CIC: variants seen among roughly 807,000 people sequenced by gnomAD.
CIC encodes the protein protein capicua homolog.
A neutral mutation model predicts 115.7 loss-of-function variants in CIC; 18 were observed. The ratio of observed to expected loss-of-function variants is 0.16; its 90% CI spans 0.11 to 0.23. CIC has a LOEUF of 0.23. CIC is among the 10% of genes least tolerant of loss of function. CIC has a pLI of 1.00. For missense variants in CIC, 2,000 were observed against 2,159.3 expected (o/e 0.93, Z 1.46); for synonymous variants, 1,076 against 923.0 (o/e 1.17, Z -3.01).
At chr19:42,285,979 G>A (rs2037610870) in intron 2 of CIC, among the ~76,000 whole-genome samples, 1 of 152,228 alleles carries the variant, frequency 6.6e-6, no homozygotes, top group African/African-American at 2.4e-5. Flanking sequence ...CCCATTGTCC[G>A]TGGTTTTTCT....
Position 42,287,161 on chromosome 19 carries a change from C to G in CIC, c.3100C>G (p.Pro1034Ala), listed in dbSNP as rs1243568637. The part of the protein sequence containing the change: ...GVVESGKGPP[P>A]TTEEEASGPP... ...GGTGGAATCTGGTAAGGGTCCGCCT[C>G]CCACCACGGAGGAGGAGGCCTCCGG... Residue 1034 changes from proline (P) to alanine (A), a missense_variant, in exon 4 of 21, where the codon CCC becomes GCC. Coordinates refer to ENST00000681038, the MANE Select transcript of CIC (RefSeq NM_001386298.1). This position sits in a 1 kb window ranked among gnomAD's most constrained non-coding sequence, Gnocchi z 8.7. The G allele has an allele frequency of 6.2e-7, 1 of 1,613,504 alleles. No homozygotes were observed. Among genetic ancestry groups the G allele is most frequent in the Admixed American group, 1.7e-5 (1 of 60,016 alleles).
rs2037873374 is a variant in CIC, at chr19:42,289,034, G to A, written c.3805G>A (p.Val1269Ile). 6.2e-7 allele frequency: 1 copy of A among 1,613,698 alleles called. No homozygotes were observed. Among genetic ancestry groups the A allele is most frequent in the Admixed American group, 1.7e-5 (1 of 60,012 alleles). Residue 1269 changes from valine (V) to isoleucine (I), a missense_variant, in exon 8 of 21, where the codon GTA (valine) becomes ATA (isoleucine). Physicochemically the swap from Val to Ile is conservative, Grantham distance 29. Coordinates refer to ENST00000681038, the MANE Select transcript of CIC (RefSeq NM_001386298.1). Reference protein sequence around the residue: ...ARPRAFSHSGVHSLDGGEVDS... With the variant: ...ARPRAFSHSGIHSLDGGEVDS... ...GCCCCGAGCTTTCTCCCACAGCGGG[G>A]TACACAGCCTGGACGGCGGAGAAGT...
At chr19:42,292,231 C>CA (rs1568521728) in intron 13 of CIC, 24 bp downstream of exon 13, 2 of 1,613,956 alleles carry the variant, frequency 1.2e-6, no homozygotes, top group East Asian at 4.5e-5. Context: ...AGCCCATACT[C>CA]AGAGGCCAGG....
intron 2 of CIC, among the ~76,000 whole-genome samples, chr19:42,278,348 T>C (rs1469900110): frequency 1.3e-5 from 2 of 152,218 alleles, no homozygotes; most frequent in African/African-American, 4.8e-5. Flanking sequence ...CAGGCGTTGC[T>C]CCTTCTCCTG....
Position 42,290,436 on chromosome 19 carries a change from C to A in CIC, c.4395C>A (p.Thr1465=), listed in dbSNP as rs1053786287. The part of the protein sequence containing the change: ...AATSFSLGSG[T]FKAQESGQGS... ...CCTCCTTCTCACTGGGCTCAGGAAC[C>A]TTCAAGGCCCAGGAGTCTGGTCAGG... Residue 1465 remains threonine (T), a synonymous_variant, in exon 11 of 21, where the codon ACC becomes ACA. Transcript: ENST00000681038. 3 of 1,613,966 alleles carry A rather than the reference C, an allele frequency of 1.9e-6. No homozygotes were observed. In the African/African-American group the frequency reaches 4.0e-5, roughly 22 times the overall value.
intron 2 of CIC, chr19:42,284,583 C>A: frequency 5.4e-6 from 2 of 371,642 alleles, no homozygotes; most frequent in Non-Finnish European, 9.0e-6. Flanking sequence ...GGGGGGCATG[C>A]GGCGACGGCC....
Position 42,292,961 on chromosome 19 carries a change from T to C in CIC, c.6202T>C (p.Ser2068Pro). 2 of 1,613,726 alleles carry C rather than the reference T, an allele frequency of 1.2e-6. No homozygotes were observed. The highest frequency in any genetic ancestry group is 2.2e-5 in the South Asian group (2 of 91,086). ...TSPFPSATAG[S>P]MTYSLVAPKA... ...AACAATTTTCTCCCCACTAGCAGGT[T>C]CCATGACCTACAGCTTAGTGGCCCC... The change falls in exon 16 of 21, where the codon TCC (serine) becomes CCC (proline). Residue 2068 changes from serine (S) to proline (P), a missense_variant. This residue lies in a region of CIC where 1,466 missense variants were observed against 1,390.4 expected (regional missense o/e 1.05). Transcript: ENST00000681038.
In CIC at chr19:42,295,556, T is replaced by A. The variant is rs1360144306; in HGVS notation, c.*365T>A. ...GGAATAGGGGGAGTTCATGCACCCC[T>A]TTTTTCCCCAGAGGGGCTGGACTCA... On this transcript the variant is annotated 3_prime_UTR_variant, in exon 21 of 21. Transcript: ENST00000681038. 2.3e-5 allele frequency: 6 copies of A among 257,812 alleles called. No homozygotes were observed. The highest frequency in any genetic ancestry group is 4.5e-5 in the Non-Finnish European group (6 of 133,804). The allele number at this position is 257,812 out of a possible 1,614,324, so 16.0% of individuals were successfully genotyped here.
chr19:42,286,994 C>G lies in CIC; in HGVS notation c.2945-12C>G. The G allele has an allele frequency of 2.5e-6, 4 of 1,608,884 alleles. No homozygotes were observed. Among genetic ancestry groups the G allele is most frequent in the East Asian group, 2.2e-5 (1 of 44,872 alleles). On this transcript the variant is annotated splice_polypyrimidine_tract_variant and intron_variant, in intron 3 of 20. Coordinates refer to ENST00000681038, the MANE Select transcript of CIC (RefSeq NM_001386298.1). Reference sequence around the variant, plus strand: ...GGCCTAGGAGCCCTCTGATCTACCTCTGTGTCCCCAGAACCTGCTGAGTCG... The same window carrying G: ...GGCCTAGGAGCCCTCTGATCTACCTGTGTGTCCCCAGAACCTGCTGAGTCG...
At chr19:42,278,239 G>A (rs902658799) in intron 2 of CIC, among the ~76,000 whole-genome samples, 1 of 152,228 alleles carries the variant, frequency 6.6e-6, no homozygotes, top group Non-Finnish European at 1.5e-5. Flanking sequence ...CCCGCCCCAG[G>A]GCCTGCAGCC....
At chr19:42,277,954 A>G (rs2037052143) in intron 2 of CIC, among the ~76,000 whole-genome samples, 1 of 152,200 alleles carries the variant, frequency 6.6e-6, no homozygotes, top group East Asian at 1.9e-4. Context: ...TGGGGCCCAG[A>G]TAGGGCAGAC....
In CIC at chr19:42,292,425, T is replaced by C. The variant is rs2038199346; in HGVS notation, c.5861T>C (p.Leu1954Pro). 6 of 1,611,158 alleles carry C rather than the reference T, an allele frequency of 3.7e-6. No individual in the cohort carries two copies. Among genetic ancestry groups the C allele is most frequent in the Non-Finnish European group, 5.1e-6 (6 of 1,178,662 alleles). Reference protein sequence around the residue: ...TSSVALGFTSLGPSGPAFVQP... With the variant: ...TSSVALGFTSPGPSGPAFVQP... ...TCTGTAGCTCTAGGCTTCACCTCGCTGGGGCCCAGCGGCCCCGCCTTCGTG... is the reference window on the plus strand; with the variant it reads ...TCTGTAGCTCTAGGCTTCACCTCGCCGGGGCCCAGCGGCCCCGCCTTCGTG... The change falls in exon 14 of 21, where the codon CTG becomes CCG. Residue 1954 changes from leucine (L) to proline (P), a missense_variant. By Grantham distance (98) the Leu-to-Pro change is moderately conservative. This residue lies in a region of CIC where 1,466 missense variants were observed against 1,390.4 expected (regional missense o/e 1.05). Transcript: ENST00000681038.
chr19:42,292,354 T>C lies in CIC; in HGVS notation c.5790T>C (p.Pro1930=), dbSNP rs2038191806. The stretch of plus-strand genomic sequence containing the variant: ...ACGCGCTGCCCCTGGGTACCAGCCC[T>C]GCGTCCAGCCAGGCTGGAACAGTCA... ...GGHALPLGTS[P]ASSQAGTVTS... is the part of the protein sequence containing the mutation. Residue 1930 remains proline, a synonymous_variant, in exon 14 of 21, where the codon CCT becomes CCC. Transcript: ENST00000681038. The C allele has an allele frequency of 6.2e-7, 1 of 1,612,942 alleles. No individual in the cohort carries two copies. The highest frequency in any genetic ancestry group is 1.1e-5 in the South Asian group (1 of 91,084).
Position 42,295,264 on chromosome 19 carries a change from T to C in CIC, c.*73T>C. The C allele has an allele frequency of 7.4e-7, 1 of 1,347,208 alleles. No individual in the cohort carries two copies. Among genetic ancestry groups the C allele is most frequent in the Non-Finnish European group, 1.0e-6 (1 of 981,458 alleles). The allele number at this position is 1,347,208 out of a possible 1,614,324, so 83.5% of individuals were successfully genotyped here. A position where few individuals can be genotyped will look rare whatever the true frequency, so the allele number is the denominator to read the frequency against. ...GGACAGTATGTGGGGGCAGGAAGGT[T>C]ATCTCCTCCCGGGTAAAGCCATTTC... On this transcript the variant is annotated 3_prime_UTR_variant, in exon 21 of 21. Transcript: ENST00000681038.
chr19:42,288,605 CA>C (rs2037837498), intron 7 of CIC, among the ~76,000 whole-genome samples: 1 of 152,152 alleles, frequency 6.6e-6, no homozygotes, highest in Non-Finnish European at 1.5e-5. Context: ...AGGCTCAGGC[CA>C]GCGGTTGGCT....
chr19:42,278,218 C>T (rs1468047315), intron 2 of CIC, among the ~76,000 whole-genome samples: 1 of 152,268 alleles, frequency 6.6e-6, no homozygotes, highest in Non-Finnish European at 1.5e-5. Context: ...GCCTGCTCCC[C>T]AGGAGAGGAT....
chr19:42,287,439 G>A lies in CIC; in HGVS notation c.3299G>A (p.Ser1100Asn), dbSNP rs2147190661. ...RDSSSEKDGR[S>N]PNKREKDHIR... Reference sequence around the variant, plus strand: ...TCATCTTCTGAGAAGGATGGACGCAGCCCCAACAAGGTACTTTATCCCTGC... The same window carrying A: ...TCATCTTCTGAGAAGGATGGACGCAACCCCAACAAGGTACTTTATCCCTGC... The change falls in exon 5 of 21, where the codon AGC becomes AAC. Residue 1100 changes from serine to asparagine, a missense_variant. Ser to Asn is a conservative substitution (Grantham distance 46). Transcript: ENST00000681038. This position sits in a 1 kb window ranked among gnomAD's most constrained non-coding sequence, Gnocchi z 8.7. The A allele has an allele frequency of 6.2e-7, 1 of 1,613,432 alleles. No individual in the cohort carries two copies. The highest frequency in any genetic ancestry group is 8.5e-7 in the Non-Finnish European group (1 of 1,180,030).
Position 42,273,740 on chromosome 19 carries a change from A to T in CIC, c.1957A>T (p.Ile653Phe), listed in dbSNP as rs937762300. ...NFSPINASPV[I>F]QRTAVRSRHL... is the part of the protein sequence containing the mutation. Reference sequence around the variant, plus strand: ...TAGCCCCATCAATGCCTCACCAGTCATCCAGCGCACTGCAGTCCGCAGTCG... The same window carrying T: ...TAGCCCCATCAATGCCTCACCAGTCTTCCAGCGCACTGCAGTCCGCAGTCG... The change falls in exon 2 of 21, where the codon ATC (isoleucine) becomes TTC (phenylalanine). Residue 653 changes from isoleucine (I) to phenylalanine (F), a missense_variant. Ile to Phe is a conservative substitution (Grantham distance 21). Transcript: ENST00000681038. The T allele has an allele frequency of 7.5e-6, 3 of 398,584 alleles. No individual in the cohort carries two copies. Among genetic ancestry groups the T allele is most frequent in the Non-Finnish European group, 1.3e-5 (3 of 226,120 alleles). The allele number at this position is 398,584 out of a possible 1,614,324, so 24.7% of individuals were successfully genotyped here.
In CIC at chr19:42,293,298, C is replaced by T. The variant is rs551801328; in HGVS notation, c.6522+17C>T. The T allele has an allele frequency of 1.4e-5, 22 of 1,552,116 alleles. No individual in the cohort carries two copies. Among genetic ancestry groups the T allele is most frequent in the African/African-American group, 4.1e-5 (3 of 73,468 alleles). On this transcript the variant is annotated intron_variant, in intron 16 of 20. Transcript: ENST00000681038. The stretch of plus-strand genomic sequence containing the variant: ...GAGACCATGGTGAGCGCCTGCAGGC[C>T]GTGGGGCTCCCACTGCCACTTGGCT...
Sources: allele counts gnomAD v4.1 joint callset (sites outside exome capture counted in the v4.1 genomes callset), GRCh38; gene constraint gnomAD v4.1.1; regional missense constraint gnomAD v4.1.1; non-coding constraint Gnocchi (gnomAD v3.1); transcripts MANE v1.5; gene names NCBI Gene and HGNC (gene_info 2026-07-23, HGNC 2026-07-21).